The following CDK8 variants were observed in gnomAD, a reference collection of about 807,000 sequenced individuals.
CDK8 encodes cyclin dependent kinase 8.
In CDK8, 29 loss-of-function variants were observed where a neutral mutation model predicts 71.5. The ratio of observed to expected loss-of-function variants is 0.41; its 90% CI spans 0.30 to 0.55. CDK8 has a LOEUF of 0.55. Among genes scored for constraint, CDK8 ranks in the 20% least tolerant of loss-of-function variants. The probability of loss-of-function intolerance (pLI) is 0.37; values close to 1 mark genes in which losing one functional copy is unlikely to be tolerated. For synonymous variants in CDK8, 161 were observed against 192.1 expected (o/e 0.84, Z 1.34); for missense variants, 288 against 572.6 (o/e 0.50, Z 5.07).
chr13:26,350,019 A>T (rs968131819), intron 3 of CDK8, among the ~76,000 whole-genome samples: 2 of 152,188 alleles, frequency 1.3e-5, no homozygotes, highest in African/African-American at 2.4e-5. Flanking sequence ...CTTATTCAGT[A>T]CAGTAACATG....
intron 1 of CDK8, among the ~76,000 whole-genome samples, chr13:26,296,493 A>G (rs1274205503): frequency 6.6e-6 from 1 of 152,222 alleles, no homozygotes; most frequent in African/African-American, 2.4e-5. Flanking sequence ...TTGGGGAATC[A>G]GATTCTCAGA....
chr13:26,284,995 T>A (rs918482194), intron 1 of CDK8, among the ~76,000 whole-genome samples: 1 of 151,164 alleles, frequency 6.6e-6, no homozygotes, highest in Non-Finnish European at 1.5e-5. Context: ...TCCCAGCAAT[T>A]TGAAAGGCTG....
intron 5 of CDK8, among the ~76,000 whole-genome samples, chr13:26,383,496 T>G (rs1311477779): frequency 1.3e-5 from 2 of 152,352 alleles, no homozygotes; most frequent in East Asian, 3.9e-4. Flanking sequence ...AAACTAAGTT[T>G]ATTTAATCTG....
intron 6 of CDK8, 117 bp downstream of exon 6, chr13:26,385,459 G>A (rs1428832429): frequency 1.3e-6 from 1 of 770,786 alleles, no homozygotes; most frequent in African/African-American, 1.8e-5. Flanking sequence ...AGCAGACTGA[G>A]TGTGATGGCT....
chr13:26,389,623 G>A (rs1200807351), intron 6 of CDK8, among the ~76,000 whole-genome samples: 1 of 152,130 alleles, frequency 6.6e-6, no homozygotes, highest in Non-Finnish European at 1.5e-5. Context: ...GCTTGCCCAA[G>A]ATCAGTCTTG....
intron 4 of CDK8, among the ~76,000 whole-genome samples, chr13:26,355,783 A>C (rs1873870755): frequency 6.6e-6 from 1 of 152,084 alleles, no homozygotes; most frequent in Non-Finnish European, 1.5e-5. Context: ...AAAAGAAAAA[A>C]CTGTGGCTTA....
chr13:26,329,092 T>G (rs1875166584), intron 1 of CDK8, among the ~76,000 whole-genome samples: 1 of 152,216 alleles, frequency 6.6e-6, no homozygotes, highest in Admixed American at 6.5e-5. Context: ...CACATTTTTA[T>G]GCTATCTTCA....
At chr13:26,287,767 G>A (rs1283067181) in intron 1 of CDK8, among the ~76,000 whole-genome samples, 5 of 152,000 alleles carry the variant, frequency 3.3e-5, no homozygotes, top group African/African-American at 1.2e-4. Flanking sequence ...AAAAGTAAAT[G>A]ATTGAAAGAA....
intron 4 of CDK8, among the ~76,000 whole-genome samples, chr13:26,372,782 A>AC (rs1254075413): frequency 6.6e-6 from 1 of 152,112 alleles, no homozygotes; most frequent in East Asian, 1.9e-4. Context: ...TGTAAAATTA[A>AC]CCTGTGTAGA....
At chr13:26,306,952 T>C (rs1365691129) in intron 1 of CDK8, among the ~76,000 whole-genome samples, 2 of 152,136 alleles carry the variant, frequency 1.3e-5, no homozygotes, top group African/African-American at 2.4e-5. Flanking sequence ...TGAGTGATCT[T>C]ACTGAAATTT....
At chr13:26,266,145 G>A (rs1032151012) in intron 1 of CDK8, among the ~76,000 whole-genome samples, 2 of 152,196 alleles carry the variant, frequency 1.3e-5, no homozygotes, top group South Asian at 2.1e-4. Context: ...AGAGGAGCAA[G>A]CTTGAGGTGG....
chr13:26,299,257 CCATTCTCAGTTTTATATATA>C (rs1338000135), intron 1 of CDK8, among the ~76,000 whole-genome samples: 1 of 152,136 alleles, frequency 6.6e-6, no homozygotes, highest in Non-Finnish European at 1.5e-5. Flanking sequence ...TAAAACTGAT[CCATTCTCAGTTTTATATATA>C]CAGTTACTTG....
intron 1 of CDK8, among the ~76,000 whole-genome samples, chr13:26,275,140 G>C (rs987344186): frequency 1.3e-5 from 2 of 151,998 alleles, no homozygotes; most frequent in African/African-American, 2.4e-5. Flanking sequence ...CCATTGATCT[G>C]TCTATTCCTG....
chr13:26,264,006 C>G (rs891289919), intron 1 of CDK8, among the ~76,000 whole-genome samples: 4 of 152,128 alleles, frequency 2.6e-5, no homozygotes, highest in Non-Finnish European at 4.4e-5. Flanking sequence ...CTGGGCCCCC[C>G]AAAGTGCTGG....
chr13:26,381,155 G>A (rs1351316761), intron 4 of CDK8, among the ~76,000 whole-genome samples: 2 of 152,112 alleles, frequency 1.3e-5, no homozygotes, highest in South Asian at 2.1e-4. Context: ...AACCATGAGA[G>A]GAGAGTTCTA....
At chr13:26,339,739 T>C (rs1168242513) in intron 2 of CDK8, among the ~76,000 whole-genome samples, 1 of 80,018 alleles carries the variant, frequency 1.2e-5, no homozygotes, top group Non-Finnish European at 2.9e-5. Context: ...TTTATTTATA[T>C]AATTACTTAA....
At chr13:26,377,285 C>T (rs1191662305) in intron 4 of CDK8, among the ~76,000 whole-genome samples, 1 of 152,230 alleles carries the variant, frequency 6.6e-6, no homozygotes, top group East Asian at 1.9e-4. Flanking sequence ...CCTCAGATGC[C>T]AGGCAGCCAC....
chr13:26,299,891 G>T (rs1446500962), intron 1 of CDK8, among the ~76,000 whole-genome samples: 5 of 152,072 alleles, frequency 3.3e-5, no homozygotes, highest in African/African-American at 1.2e-4. Context: ...GGCTTGCTGG[G>T]CCATGTATAG....
intron 2 of CDK8, among the ~76,000 whole-genome samples, chr13:26,339,863 G>C (rs1873165345): frequency 6.7e-6 from 1 of 150,158 alleles, no homozygotes; most frequent in Non-Finnish European, 1.5e-5. Flanking sequence ...TGTCATTTAT[G>C]AATAGGGATA....
Sources: gnomAD v4.1 joint callset for allele counts (sites outside exome capture counted in the v4.1 genomes callset) on GRCh38, gnomAD v4.1.1 for gene constraint, MANE v1.5 for transcripts, NCBI Gene and HGNC (gene_info 2026-07-23, HGNC 2026-07-21) for gene names.